CCDC91: variants seen among roughly 807,000 people sequenced by gnomAD.
CCDC91 encodes coiled-coil domain-containing protein 91.
In CCDC91, 48 loss-of-function variants were observed where a neutral mutation model predicts 63.2. The observed-to-expected ratio is 0.76, with a 90% confidence interval of 0.60 to 0.97. The LOEUF is 0.97. Among genes scored for constraint, CCDC91 ranks in the 50% least tolerant of loss-of-function variants. The pLI, the probability that CCDC91 is intolerant of heterozygous loss-of-function variation, is 0.00. For missense variants in CCDC91, 500 were observed against 494.6 expected, an observed-to-expected ratio of 1.01 and a Z score of -0.10; for synonymous variants, 167 against 165.8, an observed-to-expected ratio of 1.01 and a Z score of -0.06.
chr12:28,434,806 T>G (rs997090433), intron 8 of CCDC91, among the ~76,000 whole-genome samples: 1 of 151,628 alleles, frequency 6.6e-6, no homozygotes, highest in African/African-American at 2.4e-5. Context: ...ATTAAATTTC[T>G]TTAATAAGTA....
intron 1 of CCDC91, among the ~76,000 whole-genome samples, chr12:28,226,576 A>G (rs865929805): frequency 4.6e-5 from 7 of 152,174 alleles, no homozygotes; most frequent in African/African-American, 1.7e-4. Flanking sequence ...TTTTATCTTT[A>G]TAGAAAATTA....
At chr12:28,314,007 A>G (rs1279983921) in intron 6 of CCDC91, among the ~76,000 whole-genome samples, 1 of 152,038 alleles carries the variant, frequency 6.6e-6, no homozygotes, top group Admixed American at 6.6e-5. Context: ...CAGTTACCAG[A>G]CACAGCTGGT....
At chr12:28,406,944 AT>A (rs1444827780) in intron 8 of CCDC91, among the ~76,000 whole-genome samples, 1 of 152,092 alleles carries the variant, frequency 6.6e-6, no homozygotes, top group Non-Finnish European at 1.5e-5. Flanking sequence ...TTGAATTTAA[AT>A]TCCCAGTGTT....
intron 1 of CCDC91, among the ~76,000 whole-genome samples, chr12:28,220,315 T>G (rs2135659159): frequency 6.6e-6 from 1 of 152,252 alleles, no homozygotes; most frequent in Middle Eastern, 3.4e-3. Context: ...ATATACATCT[T>G]TAACGTATTA....
At chr12:28,509,943 A>T (rs1341760833) in intron 12 of CCDC91, among the ~76,000 whole-genome samples, 1 of 151,856 alleles carries the variant, frequency 6.6e-6, no homozygotes, top group African/African-American at 2.4e-5. Flanking sequence ...TGAACTGGTA[A>T]TAGTTTTGCA....
At position 28,549,057 on chromosome 12, in the gene CCDC91, A is replaced by G; in HGVS notation, c.1216-6A>G. On this transcript the variant is annotated splice_region_variant and splice_polypyrimidine_tract_variant and intron_variant, in intron 12 of 12. Transcript: ENST00000536442. ...CTTTCTCTCTCTCTTTAAAAAAATT[A>G]AACAGCTCGATCAAGTCATCCGCCA... 1 of 1,589,744 alleles carries G rather than the reference A, an allele frequency of 6.3e-7. No individual in the cohort carries two copies. The highest frequency in any genetic ancestry group is 8.6e-7 in the Non-Finnish European group (1 of 1,159,804).
Position 28,239,324 on chromosome 12 carries a change from G to A in CCDC91, c.-14-17878G>A, listed in dbSNP as rs77381939. 2.1e-3 allele frequency among the ~76,000 whole-genome samples: 312 copies of A among 151,994 alleles called. 2 individuals are homozygous for A. Among genetic ancestry groups the A allele is most frequent in the African/African-American group, 7.1e-3 (294 of 41,468 alleles). ...GAGGGAAGTTGGAGAGGGTATTTGA[G>A]GTAGGGAAACATGACTACTAATTTA... is the stretch of plus-strand genomic sequence containing the variant. On this transcript the variant is annotated intron_variant, in intron 1 of 12. Coordinates refer to ENST00000536442, the MANE Select transcript of CCDC91 (RefSeq NM_018318.5).
intron 3 of CCDC91, among the ~76,000 whole-genome samples, chr12:28,291,542 A>G (rs1251965395): frequency 2.0e-5 from 3 of 152,158 alleles, no homozygotes; most frequent in Admixed American, 6.5e-5. Context: ...CAGACCACCA[A>G]CCAGTGACCA....
intron 11 of CCDC91, among the ~76,000 whole-genome samples, chr12:28,460,382 A>G (rs1950247060): frequency 6.6e-6 from 1 of 152,138 alleles, no homozygotes. Context: ...GATCAAAAGA[A>G]TTTTAACTGA....
intron 5 of CCDC91, 40 bp from the exon 6 acceptor site, chr12:28,307,605 A>G (rs762416231): frequency 5.6e-6 from 6 of 1,069,068 alleles, no homozygotes; most frequent in Non-Finnish European, 8.2e-6. Context: ...ATTTTATGCC[A>G]TTAAATATTA....
In CCDC91 at chr12:28,201,199, A is replaced by C. The variant is rs12869900; in HGVS notation, c.-15+10558A>C. On this transcript the variant is annotated intron_variant, in intron 1 of 12. Transcript: ENST00000536442. ...CGCTCCTCACTTCCCAGACGGGGTG[A>C]CTGCTGGGCGGAGGGGCTCCTCACT... Among the ~76,000 whole-genome samples, 218 of 131,166 alleles carry C rather than the reference A, an allele frequency of 1.7e-3. 1 individual carries two copies. The highest frequency in any genetic ancestry group is 6.1e-3 in the African/African-American group (209 of 34,166). The allele number at this position is 131,166 out of a possible 152,430, so 86.0% of individuals were successfully genotyped here.
At chr12:28,372,382 A>G (rs1202240085) in intron 7 of CCDC91, among the ~76,000 whole-genome samples, 1 of 151,982 alleles carries the variant, frequency 6.6e-6, no homozygotes, top group Non-Finnish European at 1.5e-5. Context: ...TGGTATTTTG[A>G]TATTAATTCC....
chr12:28,289,022 G>A (rs1377274977), intron 3 of CCDC91, among the ~76,000 whole-genome samples: 2 of 152,042 alleles, frequency 1.3e-5, no homozygotes, highest in African/African-American at 2.4e-5. Flanking sequence ...TGTGGTCAGT[G>A]ATAATATCCC....
chr12:28,201,979 T>C (rs1942484447), intron 1 of CCDC91, among the ~76,000 whole-genome samples: 1 of 151,602 alleles, frequency 6.6e-6, no homozygotes, highest in African/African-American at 2.4e-5. Context: ...ATGGCAGCAG[T>C]ACAGTCCAGC....
At chr12:28,537,249 C>T (rs998223581) in intron 12 of CCDC91, among the ~76,000 whole-genome samples, 3 of 152,068 alleles carry the variant, frequency 2.0e-5, no homozygotes, top group Non-Finnish European at 4.4e-5. Flanking sequence ...AGGCACTTGC[C>T]AATGCAAGTT....
At position 28,522,478 on chromosome 12, in the gene CCDC91, G is replaced by A. The variant is rs191190847; in HGVS notation, c.1216-26585G>A. Among the ~76,000 whole-genome samples, 66 of 152,126 alleles carry A rather than the reference G, an allele frequency of 4.3e-4. 1 individual carries two copies. Among genetic ancestry groups the A allele is most frequent in the African/African-American group, 1.5e-3 (62 of 41,518 alleles). On this transcript the variant is annotated intron_variant, in intron 12 of 12. Coordinates refer to ENST00000536442, the MANE Select transcript of CCDC91 (RefSeq NM_018318.5). ...TTCTTCTCTCTTTTCTTCTTTATTA[G>A]TGTTGATAGCGGTCTATCAATTTTA...
intron 1 of CCDC91, among the ~76,000 whole-genome samples, chr12:28,204,129 C>T (rs1942672219): frequency 6.6e-6 from 1 of 152,056 alleles, no homozygotes; most frequent in African/African-American, 2.4e-5. Flanking sequence ...TGGTACCTGG[C>T]AGTCATAATT....
At chr12:28,290,878 G>GT (rs1949206615) in intron 3 of CCDC91, among the ~76,000 whole-genome samples, 1 of 152,048 alleles carries the variant, frequency 6.6e-6, no homozygotes. Flanking sequence ...AAAATGTTAA[G>GT]TTTTTTGTAA....
At chr12:28,514,453 T>G (rs1939709742) in intron 12 of CCDC91, among the ~76,000 whole-genome samples, 1 of 136,956 alleles carries the variant, frequency 7.3e-6, no homozygotes, top group South Asian at 2.3e-4. Flanking sequence ...ACCTCTTTAG[T>G]TTTTTTTTTT....
Sources: gnomAD v4.1 joint callset for allele counts (sites outside exome capture counted in the v4.1 genomes callset) on GRCh38, gnomAD v4.1.1 for gene constraint, MANE v1.5 for transcripts, NCBI Gene and HGNC (gene_info 2026-07-23, HGNC 2026-07-21) for gene names.